Variants in B4GALT6 observed in about 807,000 individuals in gnomAD.
The protein encoded by B4GALT6 is beta-1,4-galactosyltransferase 6.
Under a neutral mutation model 46.3 loss-of-function variants are expected in B4GALT6, and 14 were observed. The ratio of observed to expected loss-of-function variants is 0.30; its 90% CI spans 0.20 to 0.47. B4GALT6 has a LOEUF of 0.47. Among genes scored for constraint, B4GALT6 ranks in the 20% least tolerant of loss-of-function variants. The pLI is 0.99. For missense variants in B4GALT6, 386 were observed against 480.1 expected (o/e 0.80, Z 1.83); for synonymous variants, 168 against 162.0 (o/e 1.04, Z -0.28).
intron 3 of B4GALT6, 34 bp downstream of exon 3, chr18:31,657,942 T>C (rs558336486): frequency 6.5e-7 from 1 of 1,534,982 alleles, no homozygotes; most frequent in South Asian, 1.1e-5. Flanking sequence ...GTAACACAAG[T>C]AAACAGTTAA....
chr18:31,716,331 C>T, the B4GALT6 span, among the ~76,000 whole-genome samples: 44 of 152,270 alleles, frequency 2.9e-4, no homozygotes, highest in African/African-American at 9.6e-4. Flanking sequence ...CTGGATAATG[C>T]AATCAAAATA....
intron 1 of B4GALT6, among the ~76,000 whole-genome samples, chr18:31,678,374 T>A (rs1195837796): frequency 6.6e-6 from 1 of 152,168 alleles, no homozygotes; most frequent in Admixed American, 6.5e-5. Flanking sequence ...TCTGCCTCAT[T>A]GTAATTACCC....
chr18:31,700,435 T>TTGTGTGTGTGTGTGTGTGTGTGTG, the B4GALT6 span, among the ~76,000 whole-genome samples: 2 of 139,468 alleles, frequency 1.4e-5, no homozygotes, highest in African/African-American at 5.2e-5. Flanking sequence ...AATTGACTAT[T>TTGTGTGTGTGTGTGTGTGTGTGTG]TGTGTGTGTG....
chr18:31,703,217 A>G, the B4GALT6 span, among the ~76,000 whole-genome samples: 1 of 152,054 alleles, frequency 6.6e-6, no homozygotes, highest in African/African-American at 2.4e-5. Context: ...AAAGAGGGGG[A>G]AAAAACAATT....
chr18:31,637,720 A>G lies in B4GALT6; in HGVS notation c.588+924T>C, dbSNP rs8093627. ...TATGCTTTGCTGTTGTGTTAAAAAAAGAAAAAAACTTTCCTTCCTTTTCTG... is the reference window on the plus strand; with the variant it reads ...TATGCTTTGCTGTTGTGTTAAAAAAGGAAAAAAACTTTCCTTCCTTTTCTG... On this transcript the variant is annotated intron_variant, in intron 5 of 8. Coordinates refer to ENST00000306851, the MANE Select transcript of B4GALT6 (RefSeq NM_004775.5). Among the ~76,000 whole-genome samples the G allele has an allele frequency of 9.1e-3, 1,386 of 152,344 alleles. 18 individuals carry two copies. The highest frequency in any genetic ancestry group is 0.031 in the African/African-American group (1,308 of 41,568).
the B4GALT6 span, among the ~76,000 whole-genome samples, chr18:31,694,173 G>A: frequency 6.6e-6 from 1 of 152,138 alleles, no homozygotes; most frequent in Admixed American, 6.5e-5. Context: ...TTACAATCAC[G>A]ACCAATTATG....
chr18:31,676,273 A>G (rs1189646243), intron 1 of B4GALT6, among the ~76,000 whole-genome samples: 5 of 152,174 alleles, frequency 3.3e-5, no homozygotes. Context: ...ATAGTATTCA[A>G]TCAAGATATC....
At chr18:31,648,241 C>T (rs1224667508) in intron 3 of B4GALT6, among the ~76,000 whole-genome samples, 1 of 152,156 alleles carries the variant, frequency 6.6e-6, no homozygotes, top group Non-Finnish European at 1.5e-5. Context: ...TTAACTGGCA[C>T]AAGTGGTTTC....
rs1278563769 is a variant in B4GALT6 at position 31,624,113 on chromosome 18, A to C, written c.*1501T>G. 1 of 151,992 alleles carries C rather than the reference A, an allele frequency of 6.6e-6. No individual in the cohort carries two copies. Among genetic ancestry groups the C allele is most frequent in the Non-Finnish European group, 1.5e-5 (1 of 67,900 alleles). 9.4% of individuals were successfully genotyped at this position (151,992 alleles called of 1,614,324 possible). A position where few individuals can be genotyped will look rare whatever the true frequency, so the allele number is the denominator to read the frequency against. On this transcript the variant is annotated 3_prime_UTR_variant, in exon 9 of 9. Transcript: ENST00000306851. ...CATCCAAAATTAAGATATGTACTTG[A>C]TATCAGGTAGTAAGACCTTTTTTCA... is the stretch of plus-strand genomic sequence containing the variant.
rs1180198163 is a variant in B4GALT6 at position 31,626,349 on chromosome 18, T to G, written c.935A>C (p.Glu312Ala). ...TGACTTGTATTTTCCTAAGTCTCCC[T>G]CTGGTCTGGTTACATTATATCCAGC... is the stretch of plus-strand genomic sequence containing the variant. ...HYAGYNVTRP[E>A]GDLGKYKSIP... The change falls in exon 8 of 9, where the codon GAG becomes GCG. Residue 312 changes from glutamate (E) to alanine (A), a missense_variant. Physicochemically the swap from Glu to Ala is moderately radical, Grantham distance 107 (BLOSUM62 -1). This residue lies in a region of B4GALT6 where 323 missense variants were observed against 438.9 expected (regional missense o/e 0.74). Coordinates refer to ENST00000306851, the MANE Select transcript of B4GALT6 (RefSeq NM_004775.5). 6.2e-7 allele frequency: 1 copy of G among 1,607,634 alleles called. No homozygotes were observed. The highest frequency in any genetic ancestry group is 8.5e-7 in the Non-Finnish European group (1 of 1,175,418).
Position 31,684,307 on chromosome 18 carries a change from C to G in B4GALT6, c.115+5G>C. On this transcript the variant is annotated splice_donor_5th_base_variant and intron_variant, in intron 1 of 8. Transcript: ENST00000306851. ...GGGGAAGCGAGGGTGTGTCTCGGTG[C>G]TTACCGATGCCTGGGGCCACATAGA... is the stretch of plus-strand genomic sequence containing the variant. 2 of 1,613,064 alleles carry G rather than the reference C, an allele frequency of 1.2e-6. No homozygotes were observed. Among genetic ancestry groups the G allele is most frequent in the East Asian group, 2.2e-5 (1 of 44,812 alleles).
intron 6 of B4GALT6, among the ~76,000 whole-genome samples, chr18:31,627,456 T>C (rs1314391640): frequency 6.6e-6 from 1 of 152,162 alleles, no homozygotes; most frequent in Non-Finnish European, 1.5e-5. Context: ...TGATTAAATA[T>C]ATTTATAATG....
At chr18:31,638,904 A>G in intron 4 of B4GALT6, 144 bp from the exon 5 acceptor site, 1 of 667,984 alleles carries the variant, frequency 1.5e-6, no homozygotes, top group Non-Finnish European at 2.6e-6. Flanking sequence ...ACAGCAAGCA[A>G]ACACGCAAAA....
chr18:31,707,089 C>T, the B4GALT6 span, among the ~76,000 whole-genome samples: 1 of 152,140 alleles, frequency 6.6e-6, no homozygotes, highest in Non-Finnish European at 1.5e-5. Context: ...AGGGACCACA[C>T]AGCAGAGTGT....
chr18:31,707,317 A>G, the B4GALT6 span, among the ~76,000 whole-genome samples: 1 of 151,414 alleles, frequency 6.6e-6, no homozygotes, highest in Non-Finnish European at 1.5e-5. Context: ...CTCACATTCC[A>G]AGGTACTCCA....
chr18:31,651,013 A>G (rs1018303326), intron 3 of B4GALT6, among the ~76,000 whole-genome samples: 3 of 152,064 alleles, frequency 2.0e-5, no homozygotes, highest in African/African-American at 2.4e-5. Context: ...TGATCCACCC[A>G]CCTCGGCCTC....
chr18:31,666,448 T>C (rs1169683002), intron 1 of B4GALT6, 76 bp from the exon 2 acceptor site: 1 of 590,460 alleles, frequency 1.7e-6, no homozygotes, highest in African/African-American at 1.9e-5. Flanking sequence ...TATTCAGAAT[T>C]GGGGAAGTGC....
rs1598904687 is a variant in B4GALT6, at chr18:31,657,866, T to C, written c.346+110A>G. 3 of 736,740 alleles carry C rather than the reference T, an allele frequency of 4.1e-6. No individual in the cohort carries two copies. The South Asian group carries it at 7.2e-5, about 18-fold the overall frequency. 45.6% of individuals were successfully genotyped at this position (736,740 alleles called of 1,614,324 possible). A position where few individuals can be genotyped will look rare whatever the true frequency, so the allele number is the denominator to read the frequency against. ...AATAACATGCTGCATAATATAAACA[T>C]TTGCACCCAGGTGCACATGACCTGC... is the stretch of plus-strand genomic sequence containing the variant. On this transcript the variant is annotated intron_variant, in intron 3 of 8. Transcript: ENST00000306851.
chr18:31,631,812 T>C (rs941466138), intron 5 of B4GALT6, among the ~76,000 whole-genome samples: 1 of 152,146 alleles, frequency 6.6e-6, no homozygotes, highest in Non-Finnish European at 1.5e-5. Flanking sequence ...AAAAAACAAT[T>C]GGAACTTACT....
Sources: allele counts gnomAD v4.1 joint callset (sites outside exome capture counted in the v4.1 genomes callset), GRCh38; gene constraint gnomAD v4.1.1; regional missense constraint gnomAD v4.1.1; transcripts MANE v1.5; gene names NCBI Gene and HGNC (gene_info 2026-07-23, HGNC 2026-07-21).